GRM5: variants seen among roughly 807,000 people sequenced by gnomAD.
GRM5 encodes the protein glutamate metabotropic receptor 5, also known as metabotropic glutamate receptor 5.
A neutral mutation model predicts 83.1 loss-of-function variants in GRM5; 19 were observed. That is an observed-to-expected ratio of 0.23 (90% CI 0.16 to 0.34). The LOEUF (loss-of-function observed/expected upper bound fraction) is 0.34, where lower values mean the gene tolerates loss of function less well. GRM5 is among the 10% of genes least tolerant of loss of function. GRM5 has a pLI of 1.00. For missense variants in GRM5, 1,160 were observed against 1,588.3 expected, an observed-to-expected ratio of 0.73 and a Z score of 4.58; for synonymous variants, 675 against 633.6, an observed-to-expected ratio of 1.07 and a Z score of -0.98.
At chr11:88,806,009 A>G (rs1431891693) in intron 3 of GRM5, among the ~76,000 whole-genome samples, 1 of 152,200 alleles carries the variant, frequency 6.6e-6, no homozygotes. Flanking sequence ...TGCCAATAGC[A>G]CTGGAAAGGA....
At chr11:88,664,118 A>G (rs1034640026) in intron 3 of GRM5, among the ~76,000 whole-genome samples, 15 of 152,328 alleles carry the variant, frequency 9.8e-5, no homozygotes, top group Admixed American at 3.9e-4. Flanking sequence ...GAGAAGAAAA[A>G]TTATCATTCC....
At chr11:88,883,739 G>T (rs1944997540) in intron 2 of GRM5, among the ~76,000 whole-genome samples, 1 of 152,076 alleles carries the variant, frequency 6.6e-6, no homozygotes. Context: ...ATGGTTTAAT[G>T]GGCAGACCCC....
intron 2 of GRM5, among the ~76,000 whole-genome samples, chr11:88,924,427 AAATT>A (rs926063815): frequency 6.6e-6 from 1 of 152,140 alleles, no homozygotes; most frequent in African/African-American, 2.4e-5. Context: ...GTGGATAAAT[AAATT>A]GTTATTTTAT....
chr11:88,932,693 A>C (rs1042784177), intron 2 of GRM5, among the ~76,000 whole-genome samples: 1 of 150,948 alleles, frequency 6.6e-6, no homozygotes, highest in African/African-American at 2.5e-5. Context: ...GGTAATTTAA[A>C]AATCATTTTT....
intron 2 of GRM5, among the ~76,000 whole-genome samples, chr11:89,045,133 G>T (rs988618281): frequency 1.3e-5 from 2 of 152,134 alleles, no homozygotes; most frequent in Non-Finnish European, 2.9e-5. Context: ...TCCAAGGTTT[G>T]TTCTCTCCTG....
intron 3 of GRM5, among the ~76,000 whole-genome samples, chr11:88,732,548 T>G (rs1941829844): frequency 6.6e-6 from 1 of 152,038 alleles, no homozygotes; most frequent in Admixed American, 6.6e-5. Flanking sequence ...TAAAATCGCC[T>G]TATTTTTCAG....
chr11:88,691,147 A>G (rs1940772869), intron 3 of GRM5, among the ~76,000 whole-genome samples: 3 of 152,222 alleles, frequency 2.0e-5, no homozygotes, highest in Non-Finnish European at 4.4e-5. Context: ...TGAGGAGAGC[A>G]GCACAAAAGG....
rs751910686 is a variant in GRM5 at position 88,959,715 on chromosome 11, CT to C, written c.661+87496del. ...TTTGAGAGAATGTTCAGATATTGAC[CT>C]TAGTTGAGTCAGCCAGAGACACAGA... On this transcript the variant is annotated intron_variant, in intron 2 of 9. Transcript: ENST00000305447. Among the ~76,000 whole-genome samples the C allele has an allele frequency of 5.3e-5, 8 of 152,188 alleles. No homozygotes were observed. In the East Asian group the frequency reaches 1.4e-3, roughly 26 times the overall value.
chr11:88,554,374 TC>T (rs1942578794), intron 8 of GRM5, among the ~76,000 whole-genome samples: 1 of 152,144 alleles, frequency 6.6e-6, no homozygotes, highest in African/African-American at 2.4e-5. Context: ...CACCTGCAAG[TC>T]CCTTTTGCCA....
chr11:88,819,098 T>A (rs2135507021), intron 3 of GRM5, among the ~76,000 whole-genome samples: 1 of 152,296 alleles, frequency 6.6e-6, no homozygotes, highest in African/African-American at 2.4e-5. Flanking sequence ...TTCATACAAA[T>A]CACTAACAAG....
intron 3 of GRM5, among the ~76,000 whole-genome samples, chr11:88,806,238 G>A (rs1374295579): frequency 6.6e-6 from 1 of 152,174 alleles, no homozygotes; most frequent in Non-Finnish European, 1.5e-5. Flanking sequence ...GGTCCACAGG[G>A]AGGAGGAGAG....
intron 2 of GRM5, among the ~76,000 whole-genome samples, chr11:88,978,474 TAAAAA>T (rs200343438): frequency 2.6e-4 from 25 of 97,948 alleles, no homozygotes; most frequent in Non-Finnish European, 3.6e-4. Context: ...CAGATGAGCT[TAAAAA>T]AAAAAAAAAA....
At chr11:88,665,599 G>A (rs1940022968) in intron 3 of GRM5, among the ~76,000 whole-genome samples, 1 of 152,108 alleles carries the variant, frequency 6.6e-6, no homozygotes, top group Non-Finnish European at 1.5e-5. Context: ...AATAATCATT[G>A]TACAAGAAGT....
At chr11:88,756,422 A>G (rs976715959) in intron 3 of GRM5, among the ~76,000 whole-genome samples, 5 of 152,176 alleles carry the variant, frequency 3.3e-5, no homozygotes, top group Non-Finnish European at 7.4e-5. Context: ...AGTCAGCAAG[A>G]GTTCACTAGG....
In GRM5 at chr11:88,509,551, G is replaced by A. The variant is rs749697548; in HGVS notation, c.2727-47C>T. On this transcript the variant is annotated intron_variant, in intron 9 of 9. Transcript: ENST00000305447. ...AAGGTGACTCAGCGAGGTGCCCAGG[G>A]GGCTTGGATGCCGCTTCCCCAATGG... The A allele has an allele frequency of 1.1e-5, 16 of 1,442,888 alleles. No homozygotes were observed. In the South Asian group the frequency reaches 1.9e-4, roughly 17 times the overall value. 89.4% of individuals were successfully genotyped at this position (1,442,888 alleles called of 1,614,324 possible).
At chr11:88,947,578 G>T (rs1938322754) in intron 2 of GRM5, among the ~76,000 whole-genome samples, 2 of 150,850 alleles carry the variant, frequency 1.3e-5, no homozygotes, top group Non-Finnish European at 2.9e-5. Context: ...TTTGCCTGGT[G>T]AACTCATTAT....
At chr11:88,603,061 A>G (rs1310550758) in intron 5 of GRM5, among the ~76,000 whole-genome samples, 1 of 152,206 alleles carries the variant, frequency 6.6e-6, no homozygotes, top group East Asian at 1.9e-4. Context: ...GAATTCCCAG[A>G]AGTTGTTTGC....
At chr11:89,012,701 A>G (rs1940737807) in intron 2 of GRM5, among the ~76,000 whole-genome samples, 1 of 152,196 alleles carries the variant, frequency 6.6e-6, no homozygotes, top group African/African-American at 2.4e-5. Flanking sequence ...GCAAAATTGA[A>G]CAATATTTCA....
intron 2 of GRM5, among the ~76,000 whole-genome samples, chr11:89,014,053 A>G (rs925528046): frequency 2.7e-4 from 41 of 152,294 alleles, no homozygotes; most frequent in African/African-American, 9.1e-4. Flanking sequence ...GGTATTCTGG[A>G]GATATTTGCT....
Sources: gnomAD v4.1 joint callset for allele counts (sites outside exome capture counted in the v4.1 genomes callset) on GRCh38, gnomAD v4.1.1 for gene constraint, MANE v1.5 for transcripts, NCBI Gene and HGNC (gene_info 2026-07-23, HGNC 2026-07-21) for gene names.